The following HEG1 variants were observed in gnomAD, a reference collection of about 807,000 sequenced individuals.
HEG1 encodes the protein heart development protein with EGF like domains 1, also known as protein HEG homolog 1.
A neutral mutation model predicts 125.6 loss-of-function variants in HEG1; 56 were observed. The ratio of observed to expected loss-of-function variants is 0.45; its 90% CI spans 0.36 to 0.56. The LOEUF (loss-of-function observed/expected upper bound fraction) is 0.56. Ranked by LOEUF, HEG1 falls within the 20% of genes least tolerant of loss-of-function variation. The pLI, the probability that HEG1 is intolerant of heterozygous loss-of-function variation, is 0.00. For missense variants in HEG1, 1,523 were observed against 1,670.0 expected (o/e 0.91, Z 1.53); for synonymous variants, 644 against 668.5 (o/e 0.96, Z 0.57).
In HEG1 at chr3:124,973,747, G is replaced by C. The variant is rs752139095; in HGVS notation, c.3980C>G (p.Thr1327Arg). The C allele has an allele frequency of 6.2e-7, 1 of 1,613,546 alleles. No homozygotes were observed. The highest frequency in any genetic ancestry group is 8.5e-7 in the Non-Finnish European group (1 of 1,179,728). Residue 1327 changes from threonine to arginine, a missense_variant, in exon 16 of 17, where the codon ACG (threonine) becomes AGG (arginine). Thr to Arg is a moderately conservative substitution (Grantham distance 71). Transcript: ENST00000311127. ...AATACACACCGAGTAGTACACATCC[G>C]TCATCTGGAGGAGGTTTTTGGTACT... ...NGSTKNLLQM[T>R]DVYYSPTSVR...
At chr3:124,980,402 T>G (rs9861998) in intron 14 of HEG1, among the ~76,000 whole-genome samples, 102,440 of 152,180 alleles carry the variant, frequency 0.67, 35,412 homozygotes, top group African/African-American at 0.84. Context: ...AGTGACCCTT[T>G]CAAGTGGCTG....
chr3:125,010,367 G>GA lies in HEG1; in HGVS notation c.3073+71dup, dbSNP rs1560024053. Reference sequence around the variant, plus strand: ...CAGTGTATTTGTCCACATTTTGGAGGAAAAAGGAGTTTATTGGGTAGCCCA... The same window carrying GA: ...CAGTGTATTTGTCCACATTTTGGAGGAAAAAAGGAGTTTATTGGGTAGCCCA... On this transcript the variant is annotated intron_variant, in intron 7 of 16. Coordinates refer to ENST00000311127, the MANE Select transcript of HEG1 (RefSeq NM_020733.2). 4.6e-6 allele frequency: 4 copies of GA among 870,644 alleles called. No homozygotes were observed. In the Admixed American group the frequency reaches 9.9e-5, roughly 21 times the overall value. The allele number at this position is 870,644 out of a possible 1,614,324, so 53.9% of individuals were successfully genotyped here. A position where few individuals can be genotyped will look rare whatever the true frequency, so the allele number is the denominator to read the frequency against.
At chr3:125,032,737 T>C (rs903953363) in intron 1 of HEG1, among the ~76,000 whole-genome samples, 2 of 152,158 alleles carry the variant, frequency 1.3e-5, no homozygotes, top group Non-Finnish European at 2.9e-5. Context: ...GAAGTGATTG[T>C]AGGGAAGCAG....
At chr3:125,022,052 G>T (rs1278596627) in intron 3 of HEG1, among the ~76,000 whole-genome samples, 1 of 152,152 alleles carries the variant, frequency 6.6e-6, no homozygotes, top group East Asian at 1.9e-4. Context: ...ATAAGTACGG[G>T]TGTCTCCTTT....
intron 16 of HEG1, among the ~76,000 whole-genome samples, chr3:124,973,113 C>T (rs998588658): frequency 4.6e-5 from 7 of 151,958 alleles, no homozygotes; most frequent in African/African-American, 1.7e-4. Flanking sequence ...CCTCTGCCTC[C>T]CCAACTCAAG....
intron 15 of HEG1, 32 bp from the exon 16 acceptor site, chr3:124,973,937 A>G (rs778681150): frequency 2.8e-5 from 43 of 1,512,700 alleles, no homozygotes; most frequent in Non-Finnish European, 3.7e-5. Flanking sequence ...GTAAAGCTCA[A>G]TTCCGTAAAG....
chr3:125,003,560 ACTT>A (rs1160544239), intron 9 of HEG1, among the ~76,000 whole-genome samples: 1 of 152,076 alleles, frequency 6.6e-6, no homozygotes, highest in Non-Finnish European at 1.5e-5. Flanking sequence ...TCTAATAAAA[ACTT>A]CTTTGTTTAC....
intron 1 of HEG1, among the ~76,000 whole-genome samples, chr3:125,033,549 T>C (rs1450754164): frequency 1.3e-5 from 2 of 152,200 alleles, no homozygotes; most frequent in Non-Finnish European, 2.9e-5. Flanking sequence ...ATCACAAAGC[T>C]AGCCCTCGTA....
At chr3:124,979,463 ACATAT>A (rs768289319) in intron 14 of HEG1, among the ~76,000 whole-genome samples, 7 of 152,236 alleles carry the variant, frequency 4.6e-5, no homozygotes, top group Admixed American at 1.3e-4. Context: ...TTAAGCAAGT[ACATAT>A]CATATGTAGA....
At chr3:125,049,066 A>G (rs9872189) in intron 1 of HEG1, among the ~76,000 whole-genome samples, 5,400 of 152,294 alleles carry the variant, frequency 0.035, 299 homozygotes, top group African/African-American at 0.12. Flanking sequence ...ACTTTGCCAC[A>G]GACAGGCCTT....
chr3:125,051,616 AAAGG>A (rs1937808088), intron 1 of HEG1, among the ~76,000 whole-genome samples: 1 of 152,240 alleles, frequency 6.6e-6, no homozygotes, highest in East Asian at 1.9e-4. Context: ...ATACGTGTTC[AAAGG>A]CCAGGGAGTC....
intron 15 of HEG1, among the ~76,000 whole-genome samples, chr3:124,976,615 G>A (rs746273979): frequency 2.1e-4 from 32 of 151,994 alleles, no homozygotes; most frequent in Non-Finnish European, 3.5e-4. Flanking sequence ...TGCCACGATC[G>A]GGATATAGTT....
At position 125,012,803 on chromosome 3, in the gene HEG1, C is replaced by G; in HGVS notation, c.2776G>C (p.Glu926Gln). 1 of 1,614,068 alleles carries G rather than the reference C, an allele frequency of 6.2e-7. No homozygotes were observed. Reference sequence around the variant, plus strand: ...GTAACGCCAAGCTTTGTGGTCATTTCTTTTGCTGATGTGGGTACACTGGTC... The same window carrying G: ...GTAACGCCAAGCTTTGTGGTCATTTGTTTTGCTGATGTGGGTACACTGGTC... ...PLTSVPTSAK[E>Q]MTTKLGVTAE... The change falls in exon 6 of 17, where the codon GAA becomes CAA. Residue 926 changes from glutamate to glutamine, a missense_variant. By Grantham distance (29) the Glu-to-Gln change is conservative. Transcript: ENST00000311127.
chr3:125,006,830 T>A (rs1042325196), intron 8 of HEG1, among the ~76,000 whole-genome samples: 1 of 152,208 alleles, frequency 6.6e-6, no homozygotes, highest in Non-Finnish European at 1.5e-5. Context: ...GCACGCAGGC[T>A]TCCAGAACAA....
chr3:125,028,708 T>A (rs1229550939), intron 2 of HEG1, among the ~76,000 whole-genome samples: 1 of 152,122 alleles, frequency 6.6e-6, no homozygotes, highest in African/African-American at 2.4e-5. Context: ...ATGTAGTAGG[T>A]CCCTAATTAA....
Position 125,020,375 on chromosome 3 carries a change from G to A in HEG1, c.1252+417C>T, listed in dbSNP as rs536159713. On this transcript the variant is annotated intron_variant, in intron 4 of 16. Transcript: ENST00000311127. ...GGAGAGGTTGAGGCTGCAGTGAGCC[G>A]TAATCATGCCAATGCACTCTAGCCT... 1.5e-3 allele frequency among the ~76,000 whole-genome samples: 222 copies of A among 152,322 alleles called. 1 individual carries two copies. The highest frequency in any genetic ancestry group is 2.7e-3 in the Non-Finnish European group (184 of 68,024).
At chr3:125,023,991 C>T (rs955938800) in intron 3 of HEG1, among the ~76,000 whole-genome samples, 4 of 152,198 alleles carry the variant, frequency 2.6e-5, no homozygotes, top group African/African-American at 9.7e-5. Context: ...AAAGATACGT[C>T]ACATCTGCAA....
At chr3:125,043,910 G>C (rs1041754526) in intron 1 of HEG1, among the ~76,000 whole-genome samples, 4 of 152,290 alleles carry the variant, frequency 2.6e-5, no homozygotes, top group Admixed American at 2.6e-4. Flanking sequence ...GGGAGGAAAC[G>C]GGCCTGCTCC....
chr3:125,040,479 T>C, intron 1 of HEG1, among the ~76,000 whole-genome samples: 1 of 152,102 alleles, frequency 6.6e-6, no homozygotes, highest in Non-Finnish European at 1.5e-5. Flanking sequence ...AGGGAGCGGT[T>C]CCAGAACAGT....
Sources: gnomAD v4.1 joint callset for allele counts (sites outside exome capture counted in the v4.1 genomes callset) on GRCh38, gnomAD v4.1.1 for gene constraint, MANE v1.5 for transcripts, NCBI Gene and HGNC (gene_info 2026-07-23, HGNC 2026-07-21) for gene names.